KLHL1: variants seen among roughly 807,000 people sequenced by gnomAD.
The protein encoded by KLHL1 is kelch-like protein 1.
KLHL1 carries 47 observed loss-of-function variants against 77.7 expected under a neutral mutation model. That is an observed-to-expected ratio of 0.60 (90% CI 0.48 to 0.77). KLHL1 has a LOEUF of 0.77. Among genes scored for constraint, KLHL1 ranks in the 30% least tolerant of loss-of-function variants. The pLI is 0.00. For synonymous variants in KLHL1, 360 were observed against 325.2 expected, an observed-to-expected ratio of 1.11 and a Z score of -1.15; for missense variants, 925 against 910.8, an observed-to-expected ratio of 1.02 and a Z score of -0.20.
chr13:69,787,577 T>C (rs1876625248), intron 7 of KLHL1, among the ~76,000 whole-genome samples: 1 of 152,180 alleles, frequency 6.6e-6, no homozygotes, highest in African/African-American at 2.4e-5. Context: ...ACCTAGGCAG[T>C]ACCATTCAGG....
At chr13:70,064,291 C>T (rs568655786) in intron 1 of KLHL1, among the ~76,000 whole-genome samples, 1 of 152,142 alleles carries the variant, frequency 6.6e-6, no homozygotes, top group African/African-American at 2.4e-5. Flanking sequence ...ATAATCTCAG[C>T]CAAAACATAC....
At chr13:69,765,096 C>T (rs1395626932) in intron 7 of KLHL1, among the ~76,000 whole-genome samples, 1 of 151,368 alleles carries the variant, frequency 6.6e-6, no homozygotes, top group Non-Finnish European at 1.5e-5. Flanking sequence ...GGATTGTAGG[C>T]ATGTGCCACC....
intron 5 of KLHL1, among the ~76,000 whole-genome samples, chr13:69,854,953 GA>G (rs986946497): frequency 2.0e-5 from 3 of 151,622 alleles, no homozygotes; most frequent in Non-Finnish European, 4.4e-5. Flanking sequence ...ATTTTTACAA[GA>G]AAAAAATTGT....
chr13:69,767,919 A>T (rs1429065148), intron 7 of KLHL1, among the ~76,000 whole-genome samples: 1 of 152,208 alleles, frequency 6.6e-6, no homozygotes, highest in Non-Finnish European at 1.5e-5. Flanking sequence ...AATATGATGT[A>T]ATATTTTAAT....
chr13:70,027,676 C>G (rs1357707637), intron 1 of KLHL1, among the ~76,000 whole-genome samples: 4 of 35,786 alleles, frequency 1.1e-4, no homozygotes, highest in African/African-American at 3.3e-4. Context: ...ATGAACTGAA[C>G]AAAAACGCTG....
chr13:69,724,407 C>T (rs773774601), intron 8 of KLHL1, among the ~76,000 whole-genome samples: 28 of 152,184 alleles, frequency 1.8e-4, no homozygotes, highest in Admixed American at 4.6e-4. Flanking sequence ...TTTGGGTTCA[C>T]ATCAGAAACA....
At chr13:69,711,488 G>T (rs956085642) in intron 9 of KLHL1, among the ~76,000 whole-genome samples, 2 of 151,886 alleles carry the variant, frequency 1.3e-5, no homozygotes, top group Admixed American at 6.6e-5. Context: ...CAATAGTGTT[G>T]GCTAAAAATA....
chr13:69,889,495 T>A (rs1452446268), intron 4 of KLHL1, among the ~76,000 whole-genome samples: 2 of 152,026 alleles, frequency 1.3e-5, no homozygotes, highest in African/African-American at 2.4e-5. Context: ...TATCTATTAT[T>A]TGATTAATTT....
At chr13:69,803,379 C>T (rs7992990) in intron 6 of KLHL1, among the ~76,000 whole-genome samples, 2,946 of 152,220 alleles carry the variant, frequency 0.019, 83 homozygotes, top group African/African-American at 0.067. Flanking sequence ...ACAATATTAA[C>T]CTGGCTCTAG....
At chr13:70,056,571 C>G (rs889690322) in intron 1 of KLHL1, among the ~76,000 whole-genome samples, 1 of 152,124 alleles carries the variant, frequency 6.6e-6, no homozygotes, top group African/African-American at 2.4e-5. Flanking sequence ...GACCATATGA[C>G]TGGCCACAAA....
chr13:70,107,368 C>T lies in KLHL1; in HGVS notation c.332G>A (p.Gly111Asp). The change falls in exon 1 of 11, where the codon GGC (glycine) becomes GAC (aspartate). Residue 111 changes from glycine (G) to aspartate (D), a missense_variant. Transcript: ENST00000377844. The stretch of plus-strand genomic sequence containing the variant: ...GAGAGTCCTGGCTGGCTGCTGAGTG[C>T]CCTGCCCAGGAGCCCCTTGCTGCAG... Reference protein sequence around the residue: ...TRLQQGAPGQGTQQPARTLFY... With the variant: ...TRLQQGAPGQDTQQPARTLFY... The T allele has an allele frequency of 1.2e-6, 2 of 1,614,154 alleles. No homozygotes were observed. Among genetic ancestry groups the T allele is most frequent in the Non-Finnish European group, 8.5e-7 (1 of 1,180,020 alleles).
intron 3 of KLHL1, among the ~76,000 whole-genome samples, chr13:69,951,253 A>G (rs1346317177): frequency 2.6e-5 from 4 of 151,526 alleles, no homozygotes; most frequent in African/African-American, 9.7e-5. Flanking sequence ...CTTATACACC[A>G]TGGATATTTA....
At chr13:69,898,913 CT>C (rs1284827729) in intron 4 of KLHL1, among the ~76,000 whole-genome samples, 2 of 152,094 alleles carry the variant, frequency 1.3e-5, no homozygotes, top group Non-Finnish European at 2.9e-5. Flanking sequence ...TGTATTCAGT[CT>C]TTGGTGCTAG....
At chr13:69,845,788 C>T (rs569960451) in intron 5 of KLHL1, among the ~76,000 whole-genome samples, 1 of 151,114 alleles carries the variant, frequency 6.6e-6, no homozygotes, top group Non-Finnish European at 1.5e-5. Flanking sequence ...CAAGGTAAAA[C>T]ATAACTAAGT....
chr13:69,901,795 C>CA (rs1566381316), intron 4 of KLHL1, among the ~76,000 whole-genome samples: 5 of 40,796 alleles, frequency 1.2e-4, no homozygotes, highest in Non-Finnish European at 4.3e-5. Flanking sequence ...TTCTTTTTTT[C>CA]TTTTTTTTTT....
In KLHL1 at chr13:70,107,559, C is replaced by A. The variant is rs1888101565; in HGVS notation, c.141G>T (p.Glu47Asp). 2 of 1,607,378 alleles carry A rather than the reference C, an allele frequency of 1.2e-6. No individual in the cohort carries two copies. The highest frequency in any genetic ancestry group is 1.7e-6 in the Non-Finnish European group (2 of 1,176,468). ...CLQQDGSGSF[E>D]HWGPSQSRLL... is the part of the protein sequence containing the mutation. ...GGCGACTCTGGCTGGGTCCCCAGTG[C>A]TCAAAGCTGCCACTGCCGTCCTGTT... Residue 47 changes from glutamate to aspartate, a missense_variant, in exon 1 of 11, where the codon GAG becomes GAT. By Grantham distance (45) the Glu-to-Asp change is conservative. Transcript: ENST00000377844.
At chr13:70,009,770 C>T (rs1214659887) in intron 1 of KLHL1, among the ~76,000 whole-genome samples, 1 of 152,044 alleles carries the variant, frequency 6.6e-6, no homozygotes, top group Non-Finnish European at 1.5e-5. Context: ...ATGTTAAATG[C>T]TACTATGTGT....
intron 1 of KLHL1, among the ~76,000 whole-genome samples, chr13:70,060,717 G>A (rs2137404608): frequency 6.6e-6 from 1 of 152,086 alleles, no homozygotes; most frequent in South Asian, 2.1e-4. Context: ...ATGGTGGTAT[G>A]CGCCTGTAAT....
chr13:69,775,064 A>T (rs1431443156), intron 7 of KLHL1, among the ~76,000 whole-genome samples: 2 of 152,220 alleles, frequency 1.3e-5, no homozygotes, highest in Admixed American at 1.3e-4. Context: ...GGAAAAAAAT[A>T]CCAATGCGTT....
Sources: allele counts gnomAD v4.1 joint callset (sites outside exome capture counted in the v4.1 genomes callset), GRCh38; gene constraint gnomAD v4.1.1; transcripts MANE v1.5; gene names NCBI Gene and HGNC (gene_info 2026-07-23, HGNC 2026-07-21).